The following UBE2W variants were observed in gnomAD, a reference collection of about 807,000 sequenced individuals.
UBE2W encodes ubiquitin conjugating enzyme E2 W.
In UBE2W, 18 loss-of-function variants were observed where a neutral mutation model predicts 27.2. That is an observed-to-expected ratio of 0.66 (90% confidence interval 0.46 to 0.98). UBE2W has a LOEUF of 0.98. Ranked by LOEUF, UBE2W falls within the 50% of genes least tolerant of loss-of-function variation. The pLI, the probability that UBE2W is intolerant of heterozygous loss-of-function variation, is 0.00. For synonymous variants in UBE2W, 53 were observed against 57.2 expected, an observed-to-expected ratio of 0.93 and a Z score of 0.33; for missense variants, 90 against 180.2, an observed-to-expected ratio of 0.50 and a Z score of 2.87.
chr8:73,834,639 T>C (rs1367429137), intron 1 of UBE2W, among the ~76,000 whole-genome samples: 1 of 152,128 alleles, frequency 6.6e-6, no homozygotes, highest in Non-Finnish European at 1.5e-5. Flanking sequence ...CCAGGCACAG[T>C]GGCTCAAGCC....
intron 4 of UBE2W, among the ~76,000 whole-genome samples, chr8:73,809,759 T>C (rs1809070182): frequency 6.6e-6 from 1 of 152,178 alleles, no homozygotes; most frequent in East Asian, 1.9e-4. Context: ...TTTGTATTTT[T>C]AGTAGAGACA....
At chr8:73,811,318 G>C (rs1386938144) in intron 3 of UBE2W, among the ~76,000 whole-genome samples, 3 of 152,076 alleles carry the variant, frequency 2.0e-5, no homozygotes. Context: ...TCTCAGCAAT[G>C]TTTTGAATGG....
At chr8:73,818,957 A>G (rs1267238912) in intron 3 of UBE2W, among the ~76,000 whole-genome samples, 1 of 152,172 alleles carries the variant, frequency 6.6e-6, no homozygotes, top group East Asian at 1.9e-4. Flanking sequence ...ACCCAGCCTC[A>G]GGTCTTTATA....
chr8:73,801,917 G>C (rs1808661789), intron 5 of UBE2W, among the ~76,000 whole-genome samples: 1 of 152,192 alleles, frequency 6.6e-6, no homozygotes, highest in Admixed American at 6.5e-5. Flanking sequence ...CCTCAAAGGA[G>C]GGAGTACTTA....
rs1233737955 is a variant in UBE2W at position 73,794,070 on chromosome 8, T to C, written c.*32A>G. On this transcript the variant is annotated 3_prime_UTR_variant, in exon 6 of 6. Coordinates refer to ENST00000602593, the MANE Select transcript of UBE2W (RefSeq NM_018299.6). ...AAAGTGCTCATTTTCTCAGTAGGAC[T>C]ATCTTCTGCTAGGAGGATGATAACA... 2 of 1,612,970 alleles carry C rather than the reference T, an allele frequency of 1.2e-6. No homozygotes were observed. Among genetic ancestry groups the C allele is most frequent in the African/African-American group, 1.3e-5 (1 of 74,896 alleles).
chr8:73,823,520 C>T (rs1355439615), intron 3 of UBE2W, among the ~76,000 whole-genome samples: 1 of 152,136 alleles, frequency 6.6e-6, no homozygotes, highest in Non-Finnish European at 1.5e-5. Flanking sequence ...GACAAATAGG[C>T]TGATGATGAA....
chr8:73,842,573 A>G (rs1416056339), intron 1 of UBE2W, among the ~76,000 whole-genome samples: 1 of 144,946 alleles, frequency 6.9e-6, no homozygotes, highest in Non-Finnish European at 1.5e-5. Context: ...CGTGGACGTG[A>G]GTACTGACAA....
intron 3 of UBE2W, among the ~76,000 whole-genome samples, chr8:73,824,854 C>T (rs927799337): frequency 6.6e-6 from 1 of 152,220 alleles, no homozygotes; most frequent in African/African-American, 2.4e-5. Context: ...TACTAGTCCA[C>T]AGCATGGGGG....
intron 5 of UBE2W, among the ~76,000 whole-genome samples, chr8:73,802,511 T>C (rs541634396): frequency 1.3e-5 from 2 of 152,376 alleles, no homozygotes; most frequent in African/African-American, 2.4e-5. Context: ...GTTTAATTTC[T>C]TTGTGATTCC....
In UBE2W at chr8:73,786,446, G is replaced by T. The variant is rs547737431; in HGVS notation, c.*7656C>A. Reference sequence around the variant, plus strand: ...ATGTGCTACAGGTACTGTATACTAGGTACTGTGTGCTACGTGCTGGGGACA... The same window carrying T: ...ATGTGCTACAGGTACTGTATACTAGTTACTGTGTGCTACGTGCTGGGGACA... On this transcript the variant is annotated 3_prime_UTR_variant, in exon 6 of 6. Coordinates refer to ENST00000602593, the MANE Select transcript of UBE2W (RefSeq NM_018299.6). 5 of 984,644 alleles carry T rather than the reference G, an allele frequency of 5.1e-6. No homozygotes were observed. In the South Asian group the frequency reaches 2.4e-4, roughly 46 times the overall value. The allele number at this position is 984,644 out of a possible 1,614,324, so 61.0% of individuals were successfully genotyped here.
chr8:73,782,936 A>G (rs1311129108), downstream of UBE2W, among the ~76,000 whole-genome samples: 1 of 152,178 alleles, frequency 6.6e-6, no homozygotes, highest in Non-Finnish European at 1.5e-5. Context: ...ACAACTTGGT[A>G]TGGTCAATGC....
chr8:73,827,268 C>T (rs566618401), intron 2 of UBE2W, among the ~76,000 whole-genome samples: 42 of 152,164 alleles, frequency 2.8e-4, no homozygotes, highest in Non-Finnish European at 4.4e-4. Flanking sequence ...GGCTGGAGTG[C>T]AATGGCGTGA....
Position 73,830,480 on chromosome 8 carries a change from A to G in UBE2W, c.16-8T>C. The G allele has an allele frequency of 6.2e-7, 1 of 1,611,542 alleles. No homozygotes were observed. Among genetic ancestry groups the G allele is most frequent in the South Asian group, 1.1e-5 (1 of 90,998 alleles). On this transcript the variant is annotated splice_polypyrimidine_tract_variant and splice_region_variant and intron_variant, in intron 1 of 5. Coordinates refer to ENST00000602593, the MANE Select transcript of UBE2W (RefSeq NM_018299.6). Reference sequence around the variant, plus strand: ...TTCTTTCTGTAGTCGTTTCTAGAAAAGAACATCAATAATAATTTGTCCTTT... The same window carrying G: ...TTCTTTCTGTAGTCGTTTCTAGAAAGGAACATCAATAATAATTTGTCCTTT...
rs1245353361 is a variant in UBE2W, at chr8:73,792,605, T to C, written c.*1497A>G. ...TCAGTTTTAAGCCCAAATTGATTCA[T>C]ATATTCACTGCAGGATATTTCAAAA... On this transcript the variant is annotated 3_prime_UTR_variant, in exon 6 of 6. Transcript: ENST00000602593. 129 of 985,640 alleles carry C rather than the reference T, an allele frequency of 1.3e-4. No individual in the cohort carries two copies. Among genetic ancestry groups the C allele is most frequent in the East Asian group, 3.4e-4 (3 of 8,836 alleles). The allele number at this position is 985,640 out of a possible 1,614,324, so 61.1% of individuals were successfully genotyped here.
At chr8:73,818,483 C>T (rs1809481300) in intron 3 of UBE2W, among the ~76,000 whole-genome samples, 1 of 152,182 alleles carries the variant, frequency 6.6e-6, no homozygotes, top group African/African-American at 2.4e-5. Context: ...CAAAACCTTC[C>T]AAAGGCTTCC....
At chr8:73,836,261 C>A (rs947262510) in intron 1 of UBE2W, among the ~76,000 whole-genome samples, 2 of 152,096 alleles carry the variant, frequency 1.3e-5, no homozygotes, top group African/African-American at 2.4e-5. Context: ...TCATGCCAGC[C>A]CCCAGCCTTC....
In UBE2W at chr8:73,817,547, C is replaced by G. The variant is rs947571464; in HGVS notation, c.211-6918G>C. Among the ~76,000 whole-genome samples the G allele has an allele frequency of 2.0e-5, 3 of 151,982 alleles. No homozygotes were observed. The East Asian group carries it at 5.8e-4, about 30-fold the overall frequency. On this transcript the variant is annotated intron_variant, in intron 3 of 5. Transcript: ENST00000602593. Reference sequence around the variant, plus strand: ...TTTTTGTTTTGTTTTGAGATGGAGTCTCGTTCTGTCGCCAGGCTGGAGTGC... The same window carrying G: ...TTTTTGTTTTGTTTTGAGATGGAGTGTCGTTCTGTCGCCAGGCTGGAGTGC...
chr8:73,852,496 C>T (rs941965943), intron 1 of UBE2W, among the ~76,000 whole-genome samples: 16 of 151,874 alleles, frequency 1.1e-4, no homozygotes, highest in African/African-American at 3.6e-4. Context: ...CCCTGCATTT[C>T]ATGCCATAGA....
At chr8:73,817,116 G>C (rs1223640969) in intron 3 of UBE2W, among the ~76,000 whole-genome samples, 2 of 151,948 alleles carry the variant, frequency 1.3e-5, no homozygotes, top group African/African-American at 4.8e-5. Flanking sequence ...ACAAGGTCAG[G>C]AGTTTGAGAC....
Sources: gnomAD v4.1 joint callset for allele counts (sites outside exome capture counted in the v4.1 genomes callset) on GRCh38, gnomAD v4.1.1 for gene constraint, MANE v1.5 for transcripts, NCBI Gene and HGNC (gene_info 2026-07-23, HGNC 2026-07-21) for gene names.